RAP1GAP2: variants seen among roughly 807,000 people sequenced by gnomAD.
RAP1GAP2 encodes the protein rap1 GTPase-activating protein 2.
Under a neutral mutation model 95.0 loss-of-function variants are expected in RAP1GAP2, and 27 were observed. That is an observed-to-expected ratio of 0.28 (90% CI 0.21 to 0.39). RAP1GAP2 has a LOEUF of 0.39. RAP1GAP2 is among the 10% of genes least tolerant of loss of function. RAP1GAP2 has a pLI of 1.00. For missense variants in RAP1GAP2, 771 were observed against 970.0 expected (o/e 0.79, Z 2.72); for synonymous variants, 373 against 380.9 (o/e 0.98, Z 0.24).
chr17:2,894,451 T>A (rs1209897154), intron 2 of RAP1GAP2, among the ~76,000 whole-genome samples: 2 of 152,052 alleles, frequency 1.3e-5, no homozygotes, highest in Middle Eastern at 3.4e-3. Context: ...AAAAACCCCC[T>A]AAAACCCCAA....
chr17:2,801,244 G>A (rs1341740794), intron 2 of RAP1GAP2, among the ~76,000 whole-genome samples: 1 of 151,592 alleles, frequency 6.6e-6, no homozygotes, highest in Non-Finnish European at 1.5e-5. Flanking sequence ...GGAGGCCGAG[G>A]TGGGTGGATC....
intron 1 of RAP1GAP2, among the ~76,000 whole-genome samples, chr17:2,768,719 T>C (rs59972802): frequency 0.22 from 32,738 of 146,720 alleles, 3,884 homozygotes; most frequent in East Asian, 0.46. Flanking sequence ...AAGAGTTGAA[T>C]TAATGAATAG....
intron 2 of RAP1GAP2, among the ~76,000 whole-genome samples, chr17:2,846,684 G>C (rs988594763): frequency 6.6e-6 from 1 of 152,160 alleles, no homozygotes; most frequent in African/African-American, 2.4e-5. Flanking sequence ...TGGCACTGTT[G>C]TTATTCCCAT....
At chr17:2,939,147 G>A (rs1383675592) in intron 3 of RAP1GAP2, among the ~76,000 whole-genome samples, 3 of 152,084 alleles carry the variant, frequency 2.0e-5, no homozygotes, top group Non-Finnish European at 4.4e-5. Context: ...CTGGAGTGCA[G>A]TGGCACAGTC....
chr17:2,808,862 C>T (rs935760814), intron 2 of RAP1GAP2, among the ~76,000 whole-genome samples: 2 of 151,916 alleles, frequency 1.3e-5, no homozygotes, highest in Non-Finnish European at 1.5e-5. Context: ...TGCAGGTGGA[C>T]GTGAGCGCTG....
rs753680287 is a variant in RAP1GAP2, at chr17:3,003,141, C to T, written c.1201-2228C>T. Among the ~76,000 whole-genome samples, 7 of 152,144 alleles carry T rather than the reference C, an allele frequency of 4.6e-5. No homozygotes were observed. Among genetic ancestry groups the T allele is most frequent in the Non-Finnish European group, 7.3e-5 (5 of 68,034 alleles). On this transcript the variant is annotated intron_variant, in intron 14 of 24. Transcript: ENST00000254695. This position sits in a 1 kb window ranked among gnomAD's most constrained non-coding sequence, Gnocchi z 4.1. ...GAGGAAATGGAAGCTGAGAGCTGAA[C>T]CCACTTAAGGCCTGAGGCCACAGAG... is the stretch of plus-strand genomic sequence containing the variant.
At chr17:2,775,609 A>G (rs916560474), upstream of RAP1GAP2, among the ~76,000 whole-genome samples, 2 of 152,172 alleles carry the variant, frequency 1.3e-5, no homozygotes, top group Admixed American at 6.6e-5. Context: ...CAGGGTCAGG[A>G]GGCCATGACC....
chr17:2,979,466 T>G (rs930163490), intron 8 of RAP1GAP2, among the ~76,000 whole-genome samples: 2 of 138,676 alleles, frequency 1.4e-5, no homozygotes, highest in Non-Finnish European at 3.1e-5. Context: ...TTCTGTTTTT[T>G]TTTTTTTTTT....
At chr17:2,922,402 A>G (rs2042809578) in intron 3 of RAP1GAP2, among the ~76,000 whole-genome samples, 1 of 152,190 alleles carries the variant, frequency 6.6e-6, no homozygotes, top group African/African-American at 2.4e-5. Context: ...ATAAGGTTAC[A>G]CACTCAGGTT....
At chr17:3,028,022 G>A (rs897784606) in intron 22 of RAP1GAP2, among the ~76,000 whole-genome samples, 9 of 152,060 alleles carry the variant, frequency 5.9e-5, no homozygotes, top group Admixed American at 2.0e-4. Flanking sequence ...CTCTGCCCTC[G>A]TGAGGGCAGC....
chr17:2,894,731 G>A (rs989947019), intron 2 of RAP1GAP2, among the ~76,000 whole-genome samples: 6 of 152,060 alleles, frequency 3.9e-5, no homozygotes, highest in South Asian at 2.1e-4. Flanking sequence ...TTTAGCTCTC[G>A]GCCCCCCCTT....
At chr17:2,820,325 C>A (rs1488822411) in intron 2 of RAP1GAP2, among the ~76,000 whole-genome samples, 1 of 152,002 alleles carries the variant, frequency 6.6e-6, no homozygotes, top group South Asian at 2.1e-4. Flanking sequence ...AGATTGCCCT[C>A]AAGAGAGGAC....
chr17:2,907,731 C>G (rs2042244214), intron 3 of RAP1GAP2, among the ~76,000 whole-genome samples: 1 of 152,096 alleles, frequency 6.6e-6, no homozygotes, highest in Admixed American at 6.6e-5. Context: ...GCCAAGGGAC[C>G]AGCAACACCT....
intron 8 of RAP1GAP2, among the ~76,000 whole-genome samples, chr17:2,979,589 C>T (rs1017706376): frequency 2.6e-5 from 4 of 151,652 alleles, no homozygotes; most frequent in South Asian, 4.2e-4. Flanking sequence ...GCCTCAGCCT[C>T]CCAAGTAGCT....
chr17:2,844,145 G>A (rs983361546), intron 2 of RAP1GAP2, among the ~76,000 whole-genome samples: 1 of 151,604 alleles, frequency 6.6e-6, no homozygotes, highest in Non-Finnish European at 1.5e-5. Context: ...CTCAGCCTCC[G>A]GAGTAGCTGG....
chr17:2,923,895 ACAC>A (rs2042873907), intron 3 of RAP1GAP2, among the ~76,000 whole-genome samples: 3 of 152,218 alleles, frequency 2.0e-5, no homozygotes. Flanking sequence ...AAATGAGATC[ACAC>A]TGTTTGTGCT....
At chr17:2,920,658 C>A (rs28633924) in intron 3 of RAP1GAP2, among the ~76,000 whole-genome samples, 14,515 of 152,246 alleles carry the variant, frequency 0.095, 1,047 homozygotes, top group East Asian at 0.31. Flanking sequence ...AGGAAGCAGG[C>A]GGACGAGGGC....
chr17:3,037,439 C>G lies in RAP1GAP2; in HGVS notation c.*4078C>G, dbSNP rs1198022914. 1 of 141,804 alleles carries G rather than the reference C, an allele frequency of 7.1e-6. No individual in the cohort carries two copies. Among genetic ancestry groups the G allele is most frequent in the East Asian group, 2.3e-4 (1 of 4,418 alleles). 8.8% of individuals were successfully genotyped at this position (141,804 alleles called of 1,614,324 possible). ...GTTTTGGGTGTTCCCCTTGGACACT[C>G]CAGCTCGGGGACTGCTGGCGTGTGA... On this transcript the variant is annotated 3_prime_UTR_variant, in exon 25 of 25. Transcript: ENST00000254695.
In RAP1GAP2 at chr17:2,780,081, G is replaced by A. The variant is rs191346203; in HGVS notation, c.-14+2803G>A. On this transcript the variant is annotated intron_variant, in intron 1 of 24. Coordinates refer to the RAP1GAP2 transcript ENST00000540393. ...TTCCTTTTTTTTGAGATGGAGTTTC[G>A]CTCTTGTTGTCCAGGCTGGAGTGCA... 3.5e-4 allele frequency among the ~76,000 whole-genome samples: 54 copies of A among 152,206 alleles called. No individual in the cohort carries two copies. In the East Asian group the frequency reaches 8.9e-3, roughly 25 times the overall value.
Sources: allele counts gnomAD v4.1 joint callset (sites outside exome capture counted in the v4.1 genomes callset), GRCh38; gene constraint gnomAD v4.1.1; non-coding constraint Gnocchi (gnomAD v3.1); transcripts MANE v1.5; gene names NCBI Gene and HGNC (gene_info 2026-07-23, HGNC 2026-07-21).